Variants in FHIP1A observed in about 807,000 individuals in gnomAD.
FHIP1A encodes FHF complex subunit HOOK interacting protein 1A, also known as FHF complex subunit HOOK-interacting protein 1A.
Under a neutral mutation model 88.6 loss-of-function variants are expected in FHIP1A, and 61 were observed. That is an observed-to-expected ratio of 0.69 (90% CI 0.56 to 0.85). The LOEUF is 0.85. Among genes scored for constraint, FHIP1A ranks in the 40% least tolerant of loss-of-function variants. The pLI is 0.00. For synonymous variants in FHIP1A, 478 were observed against 496.0 expected, an observed-to-expected ratio of 0.96 and a Z score of 0.48; for missense variants, 1,154 against 1,273.5, an observed-to-expected ratio of 0.91 and a Z score of 1.43.
chr4:151,512,017 G>A (rs1421495399), intron 3 of FHIP1A, among the ~76,000 whole-genome samples: 1 of 152,228 alleles, frequency 6.6e-6, no homozygotes, highest in Non-Finnish European at 1.5e-5. Context: ...CCCCCGAGCA[G>A]CCTAACTGGG....
chr4:151,590,337 A>G (rs1290569523), intron 7 of FHIP1A, among the ~76,000 whole-genome samples: 1 of 152,134 alleles, frequency 6.6e-6, no homozygotes, highest in African/African-American at 2.4e-5. Context: ...TATAATTACT[A>G]TTTGTTCAGG....
intron 1 of FHIP1A, among the ~76,000 whole-genome samples, chr4:151,449,633 CCTGT>C (rs1223510553): frequency 6.6e-6 from 1 of 152,084 alleles, no homozygotes; most frequent in Non-Finnish European, 1.5e-5. Flanking sequence ...ACTTATTCCT[CCTGT>C]CTAACTGTAA....
chr4:151,563,864 A>T (rs1347066386), intron 3 of FHIP1A, among the ~76,000 whole-genome samples: 1 of 152,060 alleles, frequency 6.6e-6, no homozygotes, highest in African/African-American at 2.4e-5. Flanking sequence ...GTGGTGGCAC[A>T]TGCCTGTAGT....
rs575241765 is a variant in FHIP1A at position 151,524,162 on chromosome 4, C to T, written c.-123+41514C>T. On this transcript the variant is annotated intron_variant, in intron 3 of 13. Transcript: ENST00000435205. Reference sequence around the variant, plus strand: ...CTGTCTCTACAAAAAATTAGCTGGGCGTGGTGGCACGCGCCTGTAATCCCA... The same window carrying T: ...CTGTCTCTACAAAAAATTAGCTGGGTGTGGTGGCACGCGCCTGTAATCCCA... 3.3e-5 allele frequency among the ~76,000 whole-genome samples: 5 copies of T among 152,120 alleles called. No homozygotes were observed. In the East Asian group the frequency reaches 7.7e-4, roughly 24 times the overall value.
chr4:151,517,392 G>T (rs973883431), intron 3 of FHIP1A, among the ~76,000 whole-genome samples: 45 of 152,086 alleles, frequency 3.0e-4, no homozygotes, highest in African/African-American at 1.1e-3. Flanking sequence ...CATGGCACAT[G>T]TATACATATG....
chr4:151,649,599 G>A lies in FHIP1A; in HGVS notation c.1558G>A (p.Val520Ile), dbSNP rs755190327. 2 of 1,551,608 alleles carry A rather than the reference G, an allele frequency of 1.3e-6. No individual in the cohort carries two copies. Among genetic ancestry groups the A allele is most frequent in the East Asian group, 2.4e-5 (1 of 40,924 alleles). ...NILRCMRDCR[V>I]WSALYDGDSP... Reference sequence around the variant, plus strand: ...CCTCCGCTGCATGAGGGACTGCCGTGTCTGGTCCGCCCTGTATGATGGCGA... The same window carrying A: ...CCTCCGCTGCATGAGGGACTGCCGTATCTGGTCCGCCCTGTATGATGGCGA... Residue 520 changes from valine to isoleucine, a missense_variant, in exon 11 of 14, where the codon GTC becomes ATC. Coordinates refer to ENST00000435205, the MANE Select transcript of FHIP1A (RefSeq NM_001109977.3).
chr4:151,485,424 G>A (rs1317197023), intron 3 of FHIP1A, among the ~76,000 whole-genome samples: 1 of 151,300 alleles, frequency 6.6e-6, no homozygotes, highest in African/African-American at 2.4e-5. Context: ...TAAGTGTATA[G>A]TGCCACACTG....
In FHIP1A at chr4:151,649,672, G is replaced by A. The variant is rs144995238; in HGVS notation, c.1631G>A (p.Ser544Asn). 3.9e-4 allele frequency: 601 copies of A among 1,551,658 alleles called. 6 individuals carry two copies. In the Admixed American group the frequency reaches 0.011, roughly 30 times the overall value. Reference protein sequence around the residue: ...MFLQSLTEEGSVSSACPVFGL... With the variant: ...MFLQSLTEEGNVSSACPVFGL... ...CTCCAGAGTCTGACGGAGGAGGGCA[G>A]TGTGAGCTCGGCCTGCCCTGTGTTC... Residue 544 changes from serine to asparagine, a missense_variant, in exon 11 of 14, where the codon AGT becomes AAT. Physicochemically the swap from Ser to Asn is conservative, Grantham distance 46 (BLOSUM62 1). Coordinates refer to ENST00000435205, the MANE Select transcript of FHIP1A (RefSeq NM_001109977.3).
chr4:151,440,035 G>A (rs1728347250), intron 1 of FHIP1A, among the ~76,000 whole-genome samples: 1 of 152,184 alleles, frequency 6.6e-6, no homozygotes, highest in African/African-American at 2.4e-5. Flanking sequence ...TTGACTCACA[G>A]TTCTGCATGG....
intron 2 of FHIP1A, among the ~76,000 whole-genome samples, chr4:151,474,292 G>A (rs1729624017): frequency 1.3e-5 from 2 of 152,158 alleles, no homozygotes; most frequent in Non-Finnish European, 2.9e-5. Flanking sequence ...AAAACATTTA[G>A]TTATGCCTCA....
intron 2 of FHIP1A, among the ~76,000 whole-genome samples, chr4:151,464,397 C>T (rs1251714002): frequency 2.0e-5 from 3 of 152,188 alleles, no homozygotes; most frequent in African/African-American, 7.2e-5. Context: ...GAGAGGAACA[C>T]AGATGAAAGG....
In FHIP1A at chr4:151,670,144, G is replaced by A. The variant is rs566738825; in HGVS notation, c.*7390G>A. On this transcript the variant is annotated 3_prime_UTR_variant, in exon 14 of 14. Coordinates refer to ENST00000435205, the MANE Select transcript of FHIP1A (RefSeq NM_001109977.3). ...TTTGCAAAACTGGTCTTTAAGCGAC[G>A]TGAGTCAGAGGTAACAAAGGCATAT... 6.6e-6 allele frequency: 1 copy of A among 152,278 alleles called. No individual in the cohort carries two copies. The highest frequency in any genetic ancestry group is 2.4e-5 in the African/African-American group (1 of 41,552). The allele number at this position is 152,278 out of a possible 1,614,324, so 9.4% of individuals were successfully genotyped here. A position where few individuals can be genotyped will look rare whatever the true frequency, so the allele number is the denominator to read the frequency against.
chr4:151,536,820 T>C (rs775785711), intron 3 of FHIP1A, among the ~76,000 whole-genome samples: 1 of 152,214 alleles, frequency 6.6e-6, no homozygotes, highest in Non-Finnish European at 1.5e-5. Context: ...CTGGGATTAA[T>C]GCCCAGCAGG....
intron 3 of FHIP1A, among the ~76,000 whole-genome samples, chr4:151,557,861 CT>C (rs1354162917): frequency 1.3e-5 from 2 of 152,180 alleles, no homozygotes; most frequent in Admixed American, 6.5e-5. Context: ...TGTAGGGTCT[CT>C]GAAAAGGCAA....
At chr4:151,651,624 G>T (rs909487771) in intron 11 of FHIP1A, among the ~76,000 whole-genome samples, 64 of 152,190 alleles carry the variant, frequency 4.2e-4, no homozygotes, top group African/African-American at 1.4e-3. Context: ...TTTATGACAC[G>T]TAGCACCCAG....
intron 3 of FHIP1A, among the ~76,000 whole-genome samples, chr4:151,513,648 C>T (rs1429319481): frequency 6.6e-6 from 1 of 151,956 alleles, no homozygotes; most frequent in Non-Finnish European, 1.5e-5. Context: ...GCAGGGGTTG[C>T]AATCCTAGTC....
chr4:151,570,989 C>T (rs889996648), intron 4 of FHIP1A, among the ~76,000 whole-genome samples: 1 of 152,082 alleles, frequency 6.6e-6, no homozygotes, highest in Non-Finnish European at 1.5e-5. Context: ...GCCTTTGTTT[C>T]TTTGTTTTTA....
chr4:151,540,634 C>T (rs1283410002), intron 3 of FHIP1A, among the ~76,000 whole-genome samples: 1 of 152,130 alleles, frequency 6.6e-6, no homozygotes, highest in African/African-American at 2.4e-5. Flanking sequence ...TTACTTCAGA[C>T]ATGAACTGAT....
At chr4:151,640,080 A>G (rs1205361242) in intron 9 of FHIP1A, among the ~76,000 whole-genome samples, 2 of 152,202 alleles carry the variant, frequency 1.3e-5, no homozygotes, top group East Asian at 3.9e-4. Context: ...TAGAAATGCA[A>G]ATTCTTGGTC....
Sources: gnomAD v4.1 joint callset for allele counts (sites outside exome capture counted in the v4.1 genomes callset) on GRCh38, gnomAD v4.1.1 for gene constraint, MANE v1.5 for transcripts, NCBI Gene and HGNC (gene_info 2026-07-23, HGNC 2026-07-21) for gene names.